TRAM1: variants seen among roughly 807,000 people sequenced by gnomAD.
TRAM1 encodes translocating chain-associated membrane protein 1.
In TRAM1, 17 loss-of-function variants were observed where a neutral mutation model predicts 48.7. The observed-to-expected ratio is 0.35, with a 90% CI of 0.24 to 0.52. The LOEUF is 0.52. TRAM1 is among the 20% of genes least tolerant of loss of function. TRAM1 has a pLI of 0.94. For missense variants in TRAM1, 351 were observed against 441.5 expected (o/e 0.79, Z 1.84); for synonymous variants, 182 against 154.0 (o/e 1.18, Z -1.34).
intron 1 of TRAM1, among the ~76,000 whole-genome samples, chr8:70,606,396 A>T: frequency 6.6e-6 from 1 of 152,148 alleles, no homozygotes; most frequent in Non-Finnish European, 1.5e-5. Context: ...GGGTCTCCCT[A>T]TGTTGCCTAG....
At chr8:70,604,942 T>C (rs1176159932) in intron 1 of TRAM1, among the ~76,000 whole-genome samples, 1 of 152,184 alleles carries the variant, frequency 6.6e-6, no homozygotes, top group African/African-American at 2.4e-5. Context: ...AAGCCATTCA[T>C]TGTATACTAT....
chr8:70,598,065 A>C, intron 3 of TRAM1, 54 bp from the exon 4 acceptor site: 1 of 1,543,012 alleles, frequency 6.5e-7, no homozygotes, highest in South Asian at 1.3e-5. Context: ...ATTATATTTA[A>C]TATATGACTA....
chr8:70,593,503 G>C (rs1263962164), intron 6 of TRAM1, among the ~76,000 whole-genome samples: 3 of 149,986 alleles, frequency 2.0e-5, no homozygotes, highest in Non-Finnish European at 4.4e-5. Context: ...ATTAATAAAC[G>C]ATCAAACTTG....
intron 6 of TRAM1, among the ~76,000 whole-genome samples, chr8:70,593,244 C>T (rs958570729): frequency 6.6e-6 from 1 of 151,914 alleles, no homozygotes; most frequent in Non-Finnish European, 1.5e-5. Flanking sequence ...ATACACAGAA[C>T]ACAGACACGA....
intron 6 of TRAM1, among the ~76,000 whole-genome samples, chr8:70,591,338 G>A (rs991175102): frequency 6.6e-6 from 1 of 152,178 alleles, no homozygotes; most frequent in Admixed American, 6.5e-5. Context: ...CCTGTGGTAG[G>A]CCAGCCTCCC....
rs201476909 is a variant in TRAM1, at chr8:70,576,657, C to CT, written c.1052-1653dup. On this transcript the variant is annotated intron_variant, in intron 10 of 10. Coordinates refer to ENST00000262213, the MANE Select transcript of TRAM1 (RefSeq NM_014294.6). ...TGATCTCCACTCACTGCAACCTCCA[C>CT]TTCTCAGTGATGGCAGCGGCAGCCC... Among the ~76,000 whole-genome samples the CT allele has an allele frequency of 7.4e-3, 1,129 of 152,358 alleles. 16 individuals are homozygous for CT. Among genetic ancestry groups the CT allele is most frequent in the African/African-American group, 0.025 (1,058 of 41,590 alleles).
chr8:70,605,550 T>C (rs1165268862), intron 1 of TRAM1, among the ~76,000 whole-genome samples: 1 of 152,204 alleles, frequency 6.6e-6, no homozygotes, highest in African/African-American at 2.4e-5. Flanking sequence ...AAAAAATCAA[T>C]TTCTCTATTA....
At chr8:70,590,903 A>G (rs1017542285) in intron 6 of TRAM1, among the ~76,000 whole-genome samples, 1 of 152,208 alleles carries the variant, frequency 6.6e-6, no homozygotes, top group Non-Finnish European at 1.5e-5. Context: ...GAAAAAGTAA[A>G]TTAGTAAGAG....
rs373935962 is a variant in TRAM1 at position 70,583,300 on chromosome 8, G to A, written c.915C>T (p.Cys305=). The part of the protein sequence containing the change: ...AVRIAVLASI[C]VTQAFMMWKF... ...TCCACATCATAAATGCCTGAGTAAC[G>A]CAAATGGATGCCAGAACAGCGATTC... The change falls in exon 10 of 11, where the codon TGC becomes TGT. Residue 305 remains cysteine, a synonymous_variant. Transcript: ENST00000262213. 8.1e-6 allele frequency: 13 copies of A among 1,613,356 alleles called. No homozygotes were observed. The Admixed American group carries it at 8.4e-5, about 10-fold the overall frequency.
chr8:70,599,241 C>A (rs1817554806), intron 2 of TRAM1, among the ~76,000 whole-genome samples: 1 of 152,148 alleles, frequency 6.6e-6, no homozygotes, highest in Non-Finnish European at 1.5e-5. Context: ...CTAGGTAACA[C>A]ATTTGGCAAG....
intron 10 of TRAM1, among the ~76,000 whole-genome samples, chr8:70,577,194 G>A (rs1357053825): frequency 6.6e-6 from 1 of 152,208 alleles, no homozygotes; most frequent in Non-Finnish European, 1.5e-5. Flanking sequence ...GAGGGGGGCT[G>A]AGGGCAGCTT....
At chr8:70,603,242 TTA>T (rs35283143) in intron 1 of TRAM1, among the ~76,000 whole-genome samples, 11 of 150,628 alleles carry the variant, frequency 7.3e-5, no homozygotes, top group East Asian at 3.9e-4. Context: ...TTTAGATTTT[TTA>T]TATATATATA....
intron 2 of TRAM1, among the ~76,000 whole-genome samples, chr8:70,599,514 C>G (rs1346740018): frequency 6.6e-6 from 1 of 152,116 alleles, no homozygotes; most frequent in Non-Finnish European, 1.5e-5. Context: ...AGTTTGGATG[C>G]TATTACCAGA....
chr8:70,588,379 C>T (rs567582000), intron 6 of TRAM1, among the ~76,000 whole-genome samples: 4 of 151,968 alleles, frequency 2.6e-5, no homozygotes, highest in South Asian at 2.1e-4. Flanking sequence ...TGAAGCCAGG[C>T]GTTTGAGTCT....
At chr8:70,582,166 A>T (rs1817089380) in intron 10 of TRAM1, among the ~76,000 whole-genome samples, 1 of 152,224 alleles carries the variant, frequency 6.6e-6, no homozygotes, top group Non-Finnish European at 1.5e-5. Flanking sequence ...AACCTAAATA[A>T]ACAGAGGTAT....
chr8:70,591,297 T>C (rs1313314554), intron 6 of TRAM1, among the ~76,000 whole-genome samples: 1 of 152,106 alleles, frequency 6.6e-6, no homozygotes, highest in Non-Finnish European at 1.5e-5. Flanking sequence ...AATGATAAAT[T>C]TTATCTAGAA....
At chr8:70,601,506 C>T (rs572605708) in intron 1 of TRAM1, among the ~76,000 whole-genome samples, 3 of 152,274 alleles carry the variant, frequency 2.0e-5, no homozygotes, top group South Asian at 2.1e-4. Context: ...ATTTCTGTCT[C>T]GCCCATTAGA....
intron 10 of TRAM1, among the ~76,000 whole-genome samples, chr8:70,581,637 T>C (rs1480575459): frequency 6.6e-6 from 1 of 152,200 alleles, no homozygotes; most frequent in Non-Finnish European, 1.5e-5. Context: ...TGAAAACACA[T>C]GTTTGAACAA....
At position 70,595,890 on chromosome 8, in the gene TRAM1, T is replaced by C. The variant is rs566841884; in HGVS notation, c.485+373A>G. On this transcript the variant is annotated intron_variant, in intron 5 of 10. Coordinates refer to ENST00000262213, the MANE Select transcript of TRAM1 (RefSeq NM_014294.6). ...ATTCCTAACCTCAAGAAGCTTATAA[T>C]AGGAGAAAGAAAGGAAGATGTGAAA... Among the ~76,000 whole-genome samples the C allele has an allele frequency of 4.0e-5, 6 of 151,054 alleles. No individual in the cohort carries two copies. In the South Asian group the frequency reaches 8.4e-4, roughly 21 times the overall value.
Sources: gnomAD v4.1 joint callset for allele counts (sites outside exome capture counted in the v4.1 genomes callset) on GRCh38, gnomAD v4.1.1 for gene constraint, MANE v1.5 for transcripts, NCBI Gene and HGNC (gene_info 2026-07-23, HGNC 2026-07-21) for gene names.